The following TAFA4 variants were observed in gnomAD, a reference collection of about 807,000 sequenced individuals.
The protein encoded by TAFA4 is chemokine-like protein TAFA-4.
A neutral mutation model predicts 21.1 loss-of-function variants in TAFA4; 20 were observed. That is an observed-to-expected ratio of 0.95 (90% CI 0.67 to 1.38). The LOEUF is 1.38. TAFA4 is among the 40% of genes most tolerant of loss of function. The probability of loss-of-function intolerance (pLI) is 0.00; values close to 1 mark genes in which losing one functional copy is unlikely to be tolerated. For missense variants in TAFA4, 211 were observed against 180.9 expected (o/e 1.17, Z -0.95); for synonymous variants, 71 against 67.4 (o/e 1.05, Z -0.26).
rs545528394 is a variant in TAFA4 at position 68,922,494 on chromosome 3, C to G, written c.-123+9746G>C. Among the ~76,000 whole-genome samples the G allele has an allele frequency of 2.0e-5, 3 of 152,186 alleles. No individual in the cohort carries two copies. The South Asian group carries it at 6.2e-4, about 32-fold the overall frequency. ...AAAAAAAATTGCAATCAGCATAAAC[C>G]CTATATTCATCTCCCTTCCTTCCTT... On this transcript the variant is annotated intron_variant, in intron 1 of 5. Transcript: ENST00000295569.
At chr3:68,848,650 C>T (rs974033758) in intron 3 of TAFA4, among the ~76,000 whole-genome samples, 1 of 152,072 alleles carries the variant, frequency 6.6e-6, no homozygotes, top group Non-Finnish European at 1.5e-5. Context: ...CCCAGTAGTC[C>T]CCATGCCCTT....
At chr3:68,822,415 T>G (rs1229735538) in intron 3 of TAFA4, among the ~76,000 whole-genome samples, 1 of 152,200 alleles carries the variant, frequency 6.6e-6, no homozygotes, top group Non-Finnish European at 1.5e-5. Context: ...GAAATTTGAC[T>G]TATCCACTCT....
intron 5 of TAFA4, among the ~76,000 whole-genome samples, chr3:68,737,768 T>C (rs1702271183): frequency 6.6e-6 from 1 of 152,182 alleles, no homozygotes; most frequent in South Asian, 2.1e-4. Flanking sequence ...ACTTAAGAGT[T>C]CTCATTCAAA....
chr3:68,899,356 G>A (rs1228924809), intron 1 of TAFA4, among the ~76,000 whole-genome samples: 1 of 151,248 alleles, frequency 6.6e-6, no homozygotes. Flanking sequence ...AGGCACACTG[G>A]TATAACCAAA....
intron 3 of TAFA4, among the ~76,000 whole-genome samples, chr3:68,791,114 G>GC (rs1439837734): frequency 1.3e-5 from 2 of 152,152 alleles, no homozygotes; most frequent in Non-Finnish European, 2.9e-5. Flanking sequence ...ACCACACATG[G>GC]CCCTGGGGCA....
chr3:68,768,800 G>A (rs188976751), intron 3 of TAFA4, among the ~76,000 whole-genome samples: 9 of 152,200 alleles, frequency 5.9e-5, no homozygotes, highest in Non-Finnish European at 1.3e-4. Flanking sequence ...CAACATGGAC[G>A]AATCTGGAAG....
intron 3 of TAFA4, among the ~76,000 whole-genome samples, chr3:68,771,306 A>G (rs562090900): frequency 2.9e-4 from 44 of 152,360 alleles, no homozygotes; most frequent in Non-Finnish European, 5.3e-4. Flanking sequence ...CTGCCTGCAG[A>G]CAGAAAAGTT....
intron 3 of TAFA4, among the ~76,000 whole-genome samples, chr3:68,877,894 C>G (rs935044335): frequency 4.6e-5 from 7 of 152,132 alleles, no homozygotes; most frequent in Non-Finnish European, 8.8e-5. Flanking sequence ...GTGCTAATCC[C>G]TTCACCTATT....
intron 4 of TAFA4, among the ~76,000 whole-genome samples, chr3:68,751,226 G>C (rs1452976466): frequency 6.6e-6 from 1 of 152,166 alleles, no homozygotes; most frequent in Non-Finnish European, 1.5e-5. Flanking sequence ...GGCAAGCCAT[G>C]GTAAAGAACT....
chr3:68,875,426 A>G (rs1339683106), intron 3 of TAFA4, among the ~76,000 whole-genome samples: 2 of 152,152 alleles, frequency 1.3e-5, no homozygotes, highest in Admixed American at 1.3e-4. Context: ...CCACTATCTT[A>G]TGGATGCCTT....
chr3:68,788,956 T>C (rs1703312867), intron 3 of TAFA4, among the ~76,000 whole-genome samples: 1 of 152,038 alleles, frequency 6.6e-6, no homozygotes, highest in Non-Finnish European at 1.5e-5. Context: ...CATTTGGGCC[T>C]GGTGTGGTGG....
At chr3:68,804,202 C>G (rs1338835881) in intron 3 of TAFA4, among the ~76,000 whole-genome samples, 1 of 152,114 alleles carries the variant, frequency 6.6e-6, no homozygotes, top group African/African-American at 2.4e-5. Flanking sequence ...AAGTAAATCA[C>G]CAATCCACAC....
chr3:68,810,532 G>A lies in TAFA4; in HGVS notation c.131-57514C>T, dbSNP rs571581922. Among the ~76,000 whole-genome samples, 41 of 152,224 alleles carry A rather than the reference G, an allele frequency of 2.7e-4. 1 individual carries two copies. In the East Asian group the frequency reaches 4.5e-3, roughly 17 times the overall value. ...AGCAGACCAGAAGATTATATCCTGC[G>A]CCTGGCTCTGAGGGTCCTATGCCCA... is the stretch of plus-strand genomic sequence containing the variant. On this transcript the variant is annotated intron_variant, in intron 3 of 5. Coordinates refer to ENST00000295569, the MANE Select transcript of TAFA4 (RefSeq NM_182522.5).
intron 1 of TAFA4, among the ~76,000 whole-genome samples, chr3:68,914,943 G>A (rs1336269600): frequency 6.6e-6 from 1 of 152,138 alleles, no homozygotes; most frequent in Non-Finnish European, 1.5e-5. Context: ...ATTAGAACAT[G>A]GTCATGCAAC....
At chr3:68,741,520 T>C (rs971902253) in intron 4 of TAFA4, among the ~76,000 whole-genome samples, 8 of 152,082 alleles carry the variant, frequency 5.3e-5, no homozygotes, top group Non-Finnish European at 1.0e-4. Context: ...CTTGGCCGGG[T>C]GCCGTGACTC....
chr3:68,869,346 T>C (rs2089456276), intron 3 of TAFA4, among the ~76,000 whole-genome samples: 1 of 151,956 alleles, frequency 6.6e-6, no homozygotes, highest in Admixed American at 6.6e-5. Flanking sequence ...AGGTAATATG[T>C]GCAAATTCAC....
At chr3:68,926,639 G>T (rs932979202) in intron 1 of TAFA4, among the ~76,000 whole-genome samples, 2 of 152,068 alleles carry the variant, frequency 1.3e-5, no homozygotes, top group Non-Finnish European at 2.9e-5. Context: ...GCGGCCAGGC[G>T]TGGTGGCTCA....
At chr3:68,813,003 A>C (rs1703876121) in intron 3 of TAFA4, among the ~76,000 whole-genome samples, 1 of 152,194 alleles carries the variant, frequency 6.6e-6, no homozygotes, top group South Asian at 2.1e-4. Context: ...ATCAAACTAG[A>C]ACTCAGGATT....
intron 1 of TAFA4, among the ~76,000 whole-genome samples, chr3:68,917,610 C>T (rs1386437621): frequency 2.0e-5 from 3 of 151,914 alleles, no homozygotes; most frequent in Admixed American, 6.6e-5. Context: ...AAAAATTAGC[C>T]GGGCGTGGTG....
Sources: gnomAD v4.1 joint callset for allele counts (sites outside exome capture counted in the v4.1 genomes callset) on GRCh38, gnomAD v4.1.1 for gene constraint, MANE v1.5 for transcripts, NCBI Gene and HGNC (gene_info 2026-07-23, HGNC 2026-07-21) for gene names.